The following VWA8 variants were observed in gnomAD, a reference collection of about 807,000 sequenced individuals.
VWA8 encodes the protein von Willebrand factor A domain-containing protein 8.
A neutral mutation model predicts 241.5 loss-of-function variants in VWA8; 221 were observed. The ratio of observed to expected loss-of-function variants is 0.91; its 90% CI spans 0.82 to 1.02. The LOEUF (loss-of-function observed/expected upper bound fraction) is 1.02. Among genes scored for constraint, VWA8 ranks in the 50% least tolerant of loss-of-function variants. The pLI is 0.00. For synonymous variants in VWA8, 852 were observed against 827.1 expected (o/e 1.03, Z -0.52); for missense variants, 2,322 against 2,328.7 (o/e 1.00, Z 0.06).
chr13:41,620,448 A>AT (rs537813058), intron 37 of VWA8, among the ~76,000 whole-genome samples: 99 of 151,798 alleles, frequency 6.5e-4, no homozygotes, highest in African/African-American at 2.2e-3. Context: ...TTTTTGAAGG[A>AT]TTTTTTGTGT....
chr13:41,823,620 T>C (rs766101871), intron 14 of VWA8, among the ~76,000 whole-genome samples: 5 of 152,210 alleles, frequency 3.3e-5, no homozygotes, highest in Non-Finnish European at 5.9e-5. Flanking sequence ...CTGAGGGAAA[T>C]ACAGGCATAG....
intron 2 of VWA8, among the ~76,000 whole-genome samples, chr13:41,934,716 A>G (rs12869091): frequency 1.3e-5 from 2 of 152,072 alleles, no homozygotes; most frequent in Non-Finnish European, 1.5e-5. Flanking sequence ...GAATAAATCT[A>G]CAAAGCAGAT....
intron 2 of VWA8, among the ~76,000 whole-genome samples, chr13:41,923,871 G>C (rs893760373): frequency 1.3e-5 from 2 of 151,692 alleles, no homozygotes; most frequent in African/African-American, 4.8e-5. Flanking sequence ...AATATCTTCA[G>C]GCCCATCTGC....
rs570968639 is a variant in VWA8, at chr13:41,741,231, G to A, written c.2427-9076C>T. ...TCACACTTAGAAAAGTAACCAGCAC[G>A]TAGTAGGAGTTCTCAATGCTTGCTG... On this transcript the variant is annotated intron_variant, in intron 21 of 44. Transcript: ENST00000379310. Among the ~76,000 whole-genome samples, 7 of 152,282 alleles carry A rather than the reference G, an allele frequency of 4.6e-5. No individual in the cohort carries two copies. In the South Asian group the frequency reaches 6.2e-4, roughly 14 times the overall value.
At chr13:41,608,409 CAT>C (rs1342857469) in intron 39 of VWA8, among the ~76,000 whole-genome samples, 8 of 152,202 alleles carry the variant, frequency 5.3e-5, no homozygotes, top group African/African-American at 1.9e-4. Flanking sequence ...TAGCTGGAAA[CAT>C]ATCTTTCTGC....
At chr13:41,596,788 TACACACAC>T (rs142774673) in intron 40 of VWA8, among the ~76,000 whole-genome samples, 5,056 of 136,972 alleles carry the variant, frequency 0.037, 126 homozygotes, top group African/African-American at 0.08. Context: ...AACCAGAAAG[TACACACAC>T]ACACACACAC....
At chr13:41,686,372 G>A (rs974097365) in intron 34 of VWA8, among the ~76,000 whole-genome samples, 5 of 151,926 alleles carry the variant, frequency 3.3e-5, no homozygotes, top group African/African-American at 9.7e-5. Context: ...CCATTCTAAC[G>A]GGTAGGTACT....
intron 37 of VWA8, among the ~76,000 whole-genome samples, chr13:41,622,059 C>A (rs1017610725): frequency 6.6e-5 from 10 of 152,146 alleles, no homozygotes; most frequent in Non-Finnish European, 1.5e-4. Context: ...AGAAGGAAGG[C>A]ACTTAGCTTA....
intron 39 of VWA8, among the ~76,000 whole-genome samples, chr13:41,609,700 C>T (rs965500422): frequency 6.6e-6 from 1 of 151,952 alleles, no homozygotes; most frequent in Non-Finnish European, 1.5e-5. Context: ...TTTGCTGTGC[C>T]CCATCTTTCT....
intron 12 of VWA8, among the ~76,000 whole-genome samples, chr13:41,848,863 G>A (rs185172887): frequency 2.6e-5 from 4 of 152,312 alleles, no homozygotes; most frequent in Non-Finnish European, 5.9e-5. Flanking sequence ...GCTTAAGGGA[G>A]CTACTAGAAA....
chr13:41,655,582 CAG>C (rs2044899015), intron 37 of VWA8, among the ~76,000 whole-genome samples: 1 of 151,810 alleles, frequency 6.6e-6, no homozygotes, highest in Non-Finnish European at 1.5e-5. Context: ...TATCTGGGGA[CAG>C]AAATTATAGA....
chr13:41,912,114 T>A lies in VWA8; in HGVS notation c.296A>T (p.Lys99Met), dbSNP rs1203279926. The A allele has an allele frequency of 6.2e-7, 1 of 1,610,638 alleles. No homozygotes were observed. Among genetic ancestry groups the A allele is most frequent in the Non-Finnish European group, 8.5e-7 (1 of 1,177,818 alleles). The change falls in exon 3 of 45, where the codon AAG becomes ATG. Residue 99 changes from lysine to methionine, a missense_variant. Coordinates refer to ENST00000379310, the MANE Select transcript of VWA8 (RefSeq NM_015058.2). ...AAAAACATCTTGCCCCAAAAGATCC[T>A]TCTGCATTATCCATCTTAGATGCTG... ...VVQHLRWIMQ[K>M]DLLGQDVFLI... is the part of the protein sequence containing the mutation.
intron 2 of VWA8, among the ~76,000 whole-genome samples, chr13:41,925,353 C>T (rs185625599): frequency 1.7e-3 from 255 of 152,230 alleles, no homozygotes; most frequent in Non-Finnish European, 3.2e-3. Flanking sequence ...ATAATCAAAT[C>T]CAGAATACTC....
intron 37 of VWA8, among the ~76,000 whole-genome samples, chr13:41,667,088 T>C (rs1049332263): frequency 9.8e-5 from 15 of 152,304 alleles, no homozygotes; most frequent in African/African-American, 2.4e-4. Flanking sequence ...CATAATCCCA[T>C]AGAGGATCTG....
intron 4 of VWA8, among the ~76,000 whole-genome samples, chr13:41,898,444 G>A (rs1452349297): frequency 2.6e-5 from 4 of 152,248 alleles, no homozygotes; most frequent in African/African-American, 9.6e-5. Context: ...GCTGATTGGT[G>A]TGTTTACAAT....
intron 37 of VWA8, among the ~76,000 whole-genome samples, chr13:41,659,714 T>A (rs900264694): frequency 7.9e-5 from 12 of 152,182 alleles, no homozygotes; most frequent in African/African-American, 2.9e-4. Flanking sequence ...AATACTTAAG[T>A]AGACAACAAC....
At chr13:41,917,875 T>TA (rs745806697) in intron 2 of VWA8, among the ~76,000 whole-genome samples, 6 of 152,200 alleles carry the variant, frequency 3.9e-5, no homozygotes. Flanking sequence ...TCTAGGCCCA[T>TA]AACATGCCCC....
chr13:41,877,190 T>C (rs1873938810), intron 9 of VWA8, among the ~76,000 whole-genome samples: 1 of 152,086 alleles, frequency 6.6e-6, no homozygotes, highest in Non-Finnish European at 1.5e-5. Flanking sequence ...TAACAGCAAC[T>C]ATACTCACGT....
At chr13:41,753,978 T>C (rs1055947804) in intron 21 of VWA8, among the ~76,000 whole-genome samples, 1 of 152,118 alleles carries the variant, frequency 6.6e-6, no homozygotes, top group Non-Finnish European at 1.5e-5. Flanking sequence ...TTATAGCAAA[T>C]GTAGCCCTAA....
Sources: gnomAD v4.1 joint callset for allele counts (sites outside exome capture counted in the v4.1 genomes callset) on GRCh38, gnomAD v4.1.1 for gene constraint, MANE v1.5 for transcripts, NCBI Gene and HGNC (gene_info 2026-07-23, HGNC 2026-07-21) for gene names.